The following SHCBP1 variants were observed in gnomAD, a reference collection of about 807,000 sequenced individuals.
SHCBP1 encodes the protein SHC SH2 domain-binding protein 1.
Under a neutral mutation model 75.1 loss-of-function variants are expected in SHCBP1, and 60 were observed. The ratio of observed to expected loss-of-function variants is 0.80; its 90% CI spans 0.65 to 0.99. The LOEUF is 0.99. Ranked by LOEUF, SHCBP1 falls within the 50% of genes least tolerant of loss-of-function variation. SHCBP1 has a pLI of 0.00. For missense variants in SHCBP1, 709 were observed against 809.4 expected (o/e 0.88, Z 1.50); for synonymous variants, 290 against 293.2 (o/e 0.99, Z 0.11).
At chr16:46,620,795 T>G (rs1274172383) in intron 1 of SHCBP1, 1 of 154,582 alleles carries the variant, frequency 6.5e-6, no homozygotes, top group Non-Finnish European at 1.4e-5. Context: ...AAGTTGGCGC[T>G]CCTCACTTTG....
rs1596676069 is a variant in SHCBP1, at chr16:46,595,728, G to A, written c.1346-58C>T. 4 of 1,279,132 alleles carry A rather than the reference G, an allele frequency of 3.1e-6. No individual in the cohort carries two copies. In the East Asian group the frequency reaches 7.0e-5, roughly 22 times the overall value. 79.2% of individuals were successfully genotyped at this position (1,279,132 alleles called of 1,614,324 possible). A position where few individuals can be genotyped will look rare whatever the true frequency, so the allele number is the denominator to read the frequency against. ...AAGTAATGTGCCTTTTCCAATGTTA[G>A]AGATAGCCTCGCGCTGACATTAGCT... On this transcript the variant is annotated intron_variant, in intron 9 of 12. Transcript: ENST00000303383.
At chr16:46,588,684 C>A (rs1040894421) in intron 10 of SHCBP1, among the ~76,000 whole-genome samples, 1 of 152,144 alleles carries the variant, frequency 6.6e-6, no homozygotes, top group African/African-American at 2.4e-5. Context: ...TATTTAATAG[C>A]CTACCAATCA....
intron 5 of SHCBP1, 29 bp downstream of exon 5, chr16:46,608,268 G>T: frequency 6.5e-7 from 1 of 1,528,988 alleles, no homozygotes. Context: ...TTTCCAACAT[G>T]TACAACAAGG....
rs1463815763 is a variant in SHCBP1, at chr16:46,619,501, A to C, written c.104-1129T>G. Reference sequence around the variant, plus strand: ...ATGCACATGAACCTTAGAAGGCATCAGTACCTTACTGGTTATGTGACAATG... The same window carrying C: ...ATGCACATGAACCTTAGAAGGCATCCGTACCTTACTGGTTATGTGACAATG... On this transcript the variant is annotated intron_variant, in intron 1 of 12. Coordinates refer to ENST00000303383, the MANE Select transcript of SHCBP1 (RefSeq NM_024745.5). Among the ~76,000 whole-genome samples, 3 of 152,250 alleles carry C rather than the reference A, an allele frequency of 2.0e-5. No homozygotes were observed. The South Asian group carries it at 6.2e-4, about 32-fold the overall frequency.
At position 46,595,518 on chromosome 16, in the gene SHCBP1, C is replaced by G. The variant is rs1965121824; in HGVS notation, c.1464+34G>C. 6 of 1,534,266 alleles carry G rather than the reference C, an allele frequency of 3.9e-6. No individual in the cohort carries two copies. The South Asian group carries it at 6.7e-5, about 17-fold the overall frequency. On this transcript the variant is annotated intron_variant, in intron 10 of 12. Transcript: ENST00000303383. ...CATATATTCATTTACAACTTAAACA[C>G]AAACTACTTCCCCAAGAGGACAAGA...
chr16:46,621,006 A>G, intron 1 of SHCBP1: 1 of 426,988 alleles, frequency 2.3e-6, no homozygotes, highest in Non-Finnish European at 4.1e-6. Context: ...GCTCCCTCCA[A>G]CCTCGGGGCG....
chr16:46,600,006 A>C, intron 8 of SHCBP1, 44 bp from the exon 9 acceptor site: 1 of 1,605,876 alleles, frequency 6.2e-7, no homozygotes, highest in Non-Finnish European at 8.5e-7. Context: ...GTGAGGAAAA[A>C]CATCTAAACG....
intron 8 of SHCBP1, among the ~76,000 whole-genome samples, 192 bp from the exon 9 acceptor site, chr16:46,600,154 A>G (rs1305590396): frequency 1.3e-5 from 2 of 152,194 alleles, no homozygotes; most frequent in Admixed American, 6.5e-5. Context: ...ATTTTTAACA[A>G]TAACAACTCT....
Position 46,618,230 on chromosome 16 carries a change from G to A in SHCBP1, c.246C>T (p.Phe82=), listed in dbSNP as rs746151888. The part of the protein sequence containing the change: ...QTNQLLFYER[F]RAYQDYILAD... ...CTAAAATGTAATCTTGATAGGCTCTGAATCGCTCATAGAACAAAAGTTGAT... is the reference window on the plus strand; with the variant it reads ...CTAAAATGTAATCTTGATAGGCTCTAAATCGCTCATAGAACAAAAGTTGAT... Residue 82 remains phenylalanine, a synonymous_variant, in exon 2 of 13, where the codon TTC becomes TTT. Coordinates refer to ENST00000303383, the MANE Select transcript of SHCBP1 (RefSeq NM_024745.5). The A allele has an allele frequency of 6.2e-7, 1 of 1,609,048 alleles. No individual in the cohort carries two copies. Among genetic ancestry groups the A allele is most frequent in the Non-Finnish European group, 8.5e-7 (1 of 1,178,794 alleles).
chr16:46,607,292 C>T (rs771619662), intron 5 of SHCBP1, among the ~76,000 whole-genome samples: 22 of 152,146 alleles, frequency 1.4e-4, no homozygotes, highest in Non-Finnish European at 8.8e-5. Flanking sequence ...GAGATTGAGG[C>T]TGCAGTGAGT....
intron 10 of SHCBP1, among the ~76,000 whole-genome samples, chr16:46,587,209 T>C (rs1252755082): frequency 6.6e-6 from 1 of 152,142 alleles, no homozygotes; most frequent in Non-Finnish European, 1.5e-5. Context: ...GCAAGGTTTC[T>C]ATACTTTACT....
chr16:46,614,427 C>T (rs1965465046), intron 4 of SHCBP1, among the ~76,000 whole-genome samples: 1 of 152,174 alleles, frequency 6.6e-6, no homozygotes, highest in African/African-American at 2.4e-5. Flanking sequence ...TAAATAGCTA[C>T]AAGTAAGCCT....
chr16:46,582,750 C>T (rs149044906), intron 12 of SHCBP1, among the ~76,000 whole-genome samples: 22 of 152,316 alleles, frequency 1.4e-4, no homozygotes, highest in African/African-American at 4.6e-4. Flanking sequence ...CCAGCTGACA[C>T]CTTTATTTTA....
intron 4 of SHCBP1, 90 bp from the exon 5 acceptor site, chr16:46,608,479 C>G (rs539181685): frequency 1.3e-6 from 1 of 797,416 alleles, no homozygotes; most frequent in Admixed American, 2.2e-5. Context: ...TAAATCAAAA[C>G]AATTCTCATA....
chr16:46,592,995 A>G lies in SHCBP1; in HGVS notation c.1464+2557T>C, dbSNP rs1356244868. On this transcript the variant is annotated intron_variant, in intron 10 of 12. Transcript: ENST00000303383. ...AAAAAAAGCAGAAATTCTTCAACTT[A>G]ATAACGAATATCTAAAAACCTGGTC... Among the ~76,000 whole-genome samples the G allele has an allele frequency of 2.0e-5, 3 of 148,960 alleles. No individual in the cohort carries two copies. In the East Asian group the frequency reaches 6.0e-4, roughly 30 times the overall value.
At chr16:46,609,228 C>CA (rs1476699381) in intron 4 of SHCBP1, among the ~76,000 whole-genome samples, 1 of 152,022 alleles carries the variant, frequency 6.6e-6, no homozygotes. Flanking sequence ...CTCAAGAAGC[C>CA]AAGGCACAAG....
Position 46,602,713 on chromosome 16 carries a change from C to T in SHCBP1, c.1213+826G>A, listed in dbSNP as rs563249528. Among the ~76,000 whole-genome samples the T allele has an allele frequency of 1.2e-4, 19 of 152,334 alleles. No homozygotes were observed. The South Asian group carries it at 3.9e-3, about 32-fold the overall frequency. ...TAGTATGATCTTGGCTCATTGCAAC[C>T]TCCACCTCCCAGGTTCAAGCGATTG... is the stretch of plus-strand genomic sequence containing the variant. On this transcript the variant is annotated intron_variant, in intron 8 of 12. Transcript: ENST00000303383.
chr16:46,596,751 G>A (rs960258936), intron 9 of SHCBP1, among the ~76,000 whole-genome samples: 3 of 147,226 alleles, frequency 2.0e-5, no homozygotes, highest in East Asian at 2.1e-4. Flanking sequence ...TTTTGGAGAC[G>A]GAGCCTTGCT....
chr16:46,594,566 T>C (rs1314327333), intron 10 of SHCBP1, among the ~76,000 whole-genome samples: 1 of 152,052 alleles, frequency 6.6e-6, no homozygotes, highest in Non-Finnish European at 1.5e-5. Flanking sequence ...CTTATCAGAA[T>C]GGCTAAAACA....
Sources: allele counts gnomAD v4.1 joint callset (sites outside exome capture counted in the v4.1 genomes callset), GRCh38; gene constraint gnomAD v4.1.1; transcripts MANE v1.5; gene names NCBI Gene and HGNC (gene_info 2026-07-23, HGNC 2026-07-21).